The following GGN variants were observed in gnomAD, a reference collection of about 807,000 sequenced individuals.
The protein encoded by GGN is gametogenetin.
A neutral mutation model predicts 35.5 loss-of-function variants in GGN; 27 were observed. The ratio of observed to expected loss-of-function variants is 0.76; its 90% CI spans 0.56 to 1.05. GGN has a LOEUF of 1.05. Among genes scored for constraint, GGN ranks in the 50% least tolerant of loss-of-function variants. The pLI, the probability that GGN is intolerant of heterozygous loss-of-function variation, is 0.00. For synonymous variants in GGN, 425 were observed against 444.1 expected (o/e 0.96, Z 0.54); for missense variants, 1,006 against 940.7 (o/e 1.07, Z -0.91).
rs762088163 is a variant in GGN, at chr19:38,386,182, A to G, written c.1080T>C (p.Pro360=). The part of the protein sequence containing the change: ...KFDWVSAPDG[P]ERHFRFNGAG... The stretch of plus-strand genomic sequence containing the variant: ...CCCCGTTGAAGCGGAAGTGGCGTTC[A>G]GGGCCGTCGGGAGCGCTAACCCAGT... The change falls in exon 3 of 4, where the codon CCT becomes CCC. Residue 360 remains proline, a synonymous_variant. Coordinates refer to ENST00000334928, the MANE Select transcript of GGN (RefSeq NM_152657.4). The G allele has an allele frequency of 3.8e-6, 6 of 1,599,548 alleles. No individual in the cohort carries two copies. Among genetic ancestry groups the G allele is most frequent in the South Asian group, 1.1e-5 (1 of 90,394 alleles).
At chr19:38,384,841 C>T (rs1042191290) in intron 3 of GGN, among the ~76,000 whole-genome samples, 2 of 152,138 alleles carry the variant, frequency 1.3e-5, no homozygotes, top group African/African-American at 4.8e-5. Context: ...GATGCATTGT[C>T]CCCCTGGATG....
rs1324707622 is a variant in GGN at position 38,387,646 on chromosome 19, C to T, written c.-20+115G>A. 8.7e-6 allele frequency: 2 copies of T among 229,102 alleles called. No individual in the cohort carries two copies. Among genetic ancestry groups the T allele is most frequent in the Non-Finnish European group, 1.7e-5 (2 of 115,722 alleles). The allele number at this position is 229,102 out of a possible 1,614,324, so 14.2% of individuals were successfully genotyped here. On this transcript the variant is annotated intron_variant, in intron 2 of 3. Transcript: ENST00000334928. This position sits in a 1 kb window ranked among gnomAD's most constrained non-coding sequence, Gnocchi z 5.3. ...CCCAGGCAGGGGCAGATCCTCAGGC[C>T]TCACCCCTAAACCTCTTCCCGCTCC...
At position 38,386,938 on chromosome 19, in the gene GGN, CGGGCCGGGCAGCAGAGTCCCCGCGG is replaced by C; in HGVS notation, c.299_323del (p.Pro100ArgfsTer35). On this transcript the variant is annotated frameshift_variant, in exon 3 of 4. Transcript: ENST00000334928. LOFTEE classifies it high-confidence loss of function. ...TGCCCGCGGGCTTTTGCCATTTAGA[CGGGCCGGGCAGCAGAGTCCCCGCGG>C]GGGCCGGGGGTGGTGCAGAGACCGC... 2 of 1,545,856 alleles carry C rather than the reference CGGGCCGGGCAGCAGAGTCCCCGCGG, an allele frequency of 1.3e-6. No homozygotes were observed. Among genetic ancestry groups the C allele is most frequent in the Non-Finnish European group, 1.7e-6 (2 of 1,146,102 alleles).
rs1301679191 is a variant in GGN at position 38,387,635 on chromosome 19, G to C, written c.-20+126C>G. On this transcript the variant is annotated intron_variant, in intron 2 of 3. Transcript: ENST00000334928. This position sits in a 1 kb window ranked among gnomAD's most constrained non-coding sequence, Gnocchi z 5.3. ...CCCGCCCTCTTCCCAGGCAGGGGCA[G>C]ATCCTCAGGCCTCACCCCTAAACCT... The C allele has an allele frequency of 4.1e-6, 1 of 245,410 alleles. No individual in the cohort carries two copies. Among genetic ancestry groups the C allele is most frequent in the African/African-American group, 2.3e-5 (1 of 43,908 alleles). The allele number at this position is 245,410 out of a possible 1,614,324, so 15.2% of individuals were successfully genotyped here.
Position 38,386,251 on chromosome 19 carries a change from C to T in GGN, c.1011G>A (p.Pro337=). Residue 337 remains proline (P), a synonymous_variant, in exon 3 of 4, where the codon CCG becomes CCA. Transcript: ENST00000334928. ...CTGGGAAGGTGGTGTAGGGTGGCGG[C>T]GGTAGGGCCCGGGCTTGGGACGCAG... ...SAPASQARAL[P]PPPYTTFPGS... 6.2e-7 allele frequency: 1 copy of T among 1,609,758 alleles called. No homozygotes were observed.
At position 38,386,018 on chromosome 19, in the gene GGN, G is replaced by A. The variant is rs796567295; in HGVS notation, c.1244C>T (p.Thr415Met). The part of the protein sequence containing the change: ...RPAPALLAPP[T>M]FIFPAPTNGE... ...ATTGGTGGGTGCTGGGAAGATGAAC[G>A]TAGGCGGCGCCAGCAGGGCAGGTGC... The change falls in exon 3 of 4, where the codon ACG becomes ATG. Residue 415 changes from threonine to methionine, a missense_variant. Thr to Met is a moderately conservative substitution (Grantham distance 81). Transcript: ENST00000334928. 2 of 1,606,606 alleles carry A rather than the reference G, an allele frequency of 1.2e-6. No individual in the cohort carries two copies. The highest frequency in any genetic ancestry group is 1.7e-6 in the Non-Finnish European group (2 of 1,176,756).
rs1005678092 is a variant in GGN at position 38,386,336 on chromosome 19, G to A, written c.926C>T (p.Ala309Val). 1.9e-6 allele frequency: 3 copies of A among 1,612,322 alleles called. No homozygotes were observed. The highest frequency in any genetic ancestry group is 1.3e-5 in the African/African-American group (1 of 74,896). The change falls in exon 3 of 4, where the codon GCA becomes GTA. Residue 309 changes from alanine to valine, a missense_variant. Coordinates refer to ENST00000334928, the MANE Select transcript of GGN (RefSeq NM_152657.4). Reference sequence around the variant, plus strand: ...TCCATCACCTCCCTCGGCTTCCTGTGCCCCTCGAGAAACCTCTCCCAAGGG... The same window carrying A: ...TCCATCACCTCCCTCGGCTTCCTGTACCCCTCGAGAAACCTCTCCCAAGGG... ...ARPLGEVSRGAQEAEGGDGDG... is the reference protein window; with the variant it reads ...ARPLGEVSRGVQEAEGGDGDG...
Position 38,386,206 on chromosome 19 carries a change from G to A in GGN, c.1056C>T (p.Asp352=). ...TTFPGSKPKF[D]WVSAPDGPER... Reference sequence around the variant, plus strand: ...CAGGGCCGTCGGGAGCGCTAACCCAGTCGAATTTGGGCTTCGAGCCTGGGA... The same window carrying A: ...CAGGGCCGTCGGGAGCGCTAACCCAATCGAATTTGGGCTTCGAGCCTGGGA... The change falls in exon 3 of 4, where the codon GAC becomes GAT. Residue 352 remains aspartate, a synonymous_variant. Transcript: ENST00000334928. 2 of 1,605,626 alleles carry A rather than the reference G, an allele frequency of 1.2e-6. No individual in the cohort carries two copies. Among genetic ancestry groups the A allele is most frequent in the Non-Finnish European group, 1.7e-6 (2 of 1,179,094 alleles).
In GGN at chr19:38,385,666, A is replaced by C; in HGVS notation, c.1596T>G (p.Arg532=). Residue 532 remains arginine, a synonymous_variant, in exon 3 of 4, where the codon CGT becomes CGG. Coordinates refer to ENST00000334928, the MANE Select transcript of GGN (RefSeq NM_152657.4). The stretch of plus-strand genomic sequence containing the variant: ...CCTTACGGGTCGCGCCCCGGGCTGC[A>C]CGGGAACCCTTGTTCCTGCGCGTGC... ...KTRTRRNKGS[R]AARGATRKDG... 1 of 1,613,760 alleles carries C rather than the reference A, an allele frequency of 6.2e-7. No homozygotes were observed. The highest frequency in any genetic ancestry group is 8.5e-7 in the Non-Finnish European group (1 of 1,179,938).
In GGN at chr19:38,386,366, G is replaced by A. The variant is rs1415023920; in HGVS notation, c.896C>T (p.Ala299Val). The change falls in exon 3 of 4, where the codon GCT (alanine) becomes GTT (valine). Residue 299 changes from alanine (A) to valine (V), a missense_variant. Coordinates refer to ENST00000334928, the MANE Select transcript of GGN (RefSeq NM_152657.4). Reference protein sequence around the residue: ...LKQGPLPPGAARPLGEVSRGA... With the variant: ...LKQGPLPPGAVRPLGEVSRGA... The stretch of plus-strand genomic sequence containing the variant: ...TCGAGAAACCTCTCCCAAGGGGCGA[G>A]CGGCTCCAGGAGGCAGGGGCCCTTG... 5 of 1,612,890 alleles carry A rather than the reference G, an allele frequency of 3.1e-6. No individual in the cohort carries two copies. Among genetic ancestry groups the A allele is most frequent in the African/African-American group, 2.7e-5 (2 of 74,926 alleles).
At position 38,386,142 on chromosome 19, in the gene GGN, C is replaced by G. The variant is rs369637229; in HGVS notation, c.1120G>C (p.Gly374Arg). ...FRFNGAGGGI[G>R]APRRRAAALS... is the part of the protein sequence containing the mutation. ...GCGGCCGCACGCCGTCGCGGCGCCC[C>G]GATGCCTCCGCCAGCCCCGTTGAAG... is the stretch of plus-strand genomic sequence containing the variant. The change falls in exon 3 of 4, where the codon GGG (glycine) becomes CGG (arginine). Residue 374 changes from glycine (G) to arginine (R), a missense_variant. Transcript: ENST00000334928. The G allele has an allele frequency of 3.2e-5, 50 of 1,582,378 alleles. No individual in the cohort carries two copies. Among genetic ancestry groups the G allele is most frequent in the Non-Finnish European group, 4.2e-5 (49 of 1,169,326 alleles).
chr19:38,387,419 A>C lies in GGN; in HGVS notation c.-19-139T>G. Reference sequence around the variant, plus strand: ...GATCAGGCCCAAGTCCTTAGGTCGCACTCCTGTTCCCCGACCTTCGACACT... The same window carrying C: ...GATCAGGCCCAAGTCCTTAGGTCGCCCTCCTGTTCCCCGACCTTCGACACT... On this transcript the variant is annotated intron_variant, in intron 2 of 3. Coordinates refer to ENST00000334928, the MANE Select transcript of GGN (RefSeq NM_152657.4). The surrounding 1 kb of genome is among the most constrained non-coding windows in gnomAD (Gnocchi z 5.3). 1 of 1,369,988 alleles carries C rather than the reference A, an allele frequency of 7.3e-7. No individual in the cohort carries two copies. The highest frequency in any genetic ancestry group is 2.9e-5 in the Admixed American group (1 of 34,310). 84.9% of individuals were successfully genotyped at this position (1,369,988 alleles called of 1,614,324 possible).
rs560394131 is a variant in GGN, at chr19:38,387,227, C to A, written c.35G>T (p.Gly12Val). Reference sequence around the variant, plus strand: ...CGAGGGCTGCACTTTTCGGGAGCCCCCGCCCGCGGATGGCTCCGACTGCAA... The same window carrying A: ...CGAGGGCTGCACTTTTCGGGAGCCCACGCCCGCGGATGGCTCCGACTGCAA... ...GNLQSEPSAG[G>V]GSRKVQPSDR... Residue 12 changes from glycine (G) to valine (V), a missense_variant, in exon 3 of 4, where the codon GGG becomes GTG. By Grantham distance (109) the Gly-to-Val change is moderately radical. Transcript: ENST00000334928. The surrounding 1 kb of genome is among the most constrained non-coding windows in gnomAD (Gnocchi z 5.3). 6.3e-7 allele frequency: 1 copy of A among 1,595,512 alleles called. No homozygotes were observed. The highest frequency in any genetic ancestry group is 2.3e-5 in the East Asian group (1 of 43,652).
chr19:38,387,333 G>C lies in GGN; in HGVS notation c.-19-53C>G. On this transcript the variant is annotated intron_variant, in intron 2 of 3. Transcript: ENST00000334928. This position sits in a 1 kb window ranked among gnomAD's most constrained non-coding sequence, Gnocchi z 5.3. ...CCTGCCAGGGCCGTGGGGACCCTACGAGGCTGGCTGTACTTGATCTAATGC... is the reference window on the plus strand; with the variant it reads ...CCTGCCAGGGCCGTGGGGACCCTACCAGGCTGGCTGTACTTGATCTAATGC... The C allele has an allele frequency of 6.7e-7, 1 of 1,488,118 alleles. No individual in the cohort carries two copies. Among genetic ancestry groups the C allele is most frequent in the South Asian group, 1.3e-5 (1 of 76,140 alleles). The allele number at this position is 1,488,118 out of a possible 1,614,324, so 92.2% of individuals were successfully genotyped here.
Position 38,385,579 on chromosome 19 carries a change from A to T in GGN, c.1683T>A (p.Gly561=), listed in dbSNP as rs571042341. 6.2e-7 allele frequency: 1 copy of T among 1,614,040 alleles called. No individual in the cohort carries two copies. ...AGGCCCCGCTGCCACCACCCCCTCC[A>T]CCACTGCTGTCAGGCACGGTAGCTG... ...RATATVPDSS[G]GGGGGSGASQ... The change falls in exon 3 of 4, where the codon GGT becomes GGA. Residue 561 remains glycine, a synonymous_variant. Coordinates refer to ENST00000334928, the MANE Select transcript of GGN (RefSeq NM_152657.4).
chr19:38,387,042 G>A lies in GGN; in HGVS notation c.220C>T (p.Pro74Ser). 6.4e-7 allele frequency: 1 copy of A among 1,554,036 alleles called. No homozygotes were observed. Among genetic ancestry groups the A allele is most frequent in the Non-Finnish European group, 8.7e-7 (1 of 1,148,660 alleles). ...REPQASPSTL[P>S]LTLERPSPVM... is the part of the protein sequence containing the mutation. ...GGAGAGGGCCGTTCTAAGGTGAGGGGCAGGGTCGAGGGTGAGGCCTGGGGC... is the reference window on the plus strand; with the variant it reads ...GGAGAGGGCCGTTCTAAGGTGAGGGACAGGGTCGAGGGTGAGGCCTGGGGC... Residue 74 changes from proline to serine, a missense_variant, in exon 3 of 4, where the codon CCC becomes TCC. Transcript: ENST00000334928. This position sits in a 1 kb window ranked among gnomAD's most constrained non-coding sequence, Gnocchi z 5.3.
At position 38,386,364 on chromosome 19, in the gene GGN, G is replaced by C; in HGVS notation, c.898C>G (p.Arg300Gly). 2 of 1,612,982 alleles carry C rather than the reference G, an allele frequency of 1.2e-6. No individual in the cohort carries two copies. The highest frequency in any genetic ancestry group is 1.1e-5 in the South Asian group (1 of 91,048). The stretch of plus-strand genomic sequence containing the variant: ...CCTCGAGAAACCTCTCCCAAGGGGC[G>C]AGCGGCTCCAGGAGGCAGGGGCCCT... ...KQGPLPPGAA[R>G]PLGEVSRGAQ... The change falls in exon 3 of 4, where the codon CGC becomes GGC. Residue 300 changes from arginine (R) to glycine (G), a missense_variant. Coordinates refer to ENST00000334928, the MANE Select transcript of GGN (RefSeq NM_152657.4).
In GGN at chr19:38,385,687, C is replaced by T. The variant is rs17853364; in HGVS notation, c.1575G>A (p.Thr525=). 3.1e-6 allele frequency: 5 copies of T among 1,613,394 alleles called. No homozygotes were observed. The highest frequency in any genetic ancestry group is 1.7e-6 in the Non-Finnish European group (2 of 1,179,870). Reference sequence around the variant, plus strand: ...CTGCACGGGAACCCTTGTTCCTGCGCGTGCGGGTCTTGATGGGCGCAGCCG... The same window carrying T: ...CTGCACGGGAACCCTTGTTCCTGCGTGTGCGGGTCTTGATGGGCGCAGCCG... ...APAAAPIKTR[T]RRNKGSRAAR... The change falls in exon 3 of 4, where the codon ACG becomes ACA. Residue 525 remains threonine (T), a synonymous_variant. Transcript: ENST00000334928.
rs187705316 is a variant in GGN, at chr19:38,386,735, G to T, written c.527C>A (p.Pro176Gln). Residue 176 changes from proline to glutamine, a missense_variant, in exon 3 of 4, where the codon CCA becomes CAA. Transcript: ENST00000334928. Reference protein sequence around the residue: ...PPLETWKPPPPLPSERQPADR... With the variant: ...PPLETWKPPPQLPSERQPADR... ...CGCCGGCTGCCGTTCAGAAGGTAATGGTGGTGGCGGCTTCCAAGTCTCCAG... is the reference window on the plus strand; with the variant it reads ...CGCCGGCTGCCGTTCAGAAGGTAATTGTGGTGGCGGCTTCCAAGTCTCCAG... 2 of 1,609,420 alleles carry T rather than the reference G, an allele frequency of 1.2e-6. No individual in the cohort carries two copies. The highest frequency in any genetic ancestry group is 4.5e-5 in the East Asian group (2 of 44,734).
Sources: gnomAD v4.1 joint callset for allele counts (sites outside exome capture counted in the v4.1 genomes callset) on GRCh38, gnomAD v4.1.1 for gene constraint, Gnocchi (gnomAD v3.1) non-coding constraint, MANE v1.5 for transcripts, NCBI Gene and HGNC (gene_info 2026-07-23, HGNC 2026-07-21) for gene names.